The following ATP1A4 variants were observed in gnomAD, a reference collection of about 807,000 sequenced individuals.
ATP1A4 encodes the protein sodium/potassium-transporting ATPase subunit alpha-4.
In ATP1A4, 90 loss-of-function variants were observed where a neutral mutation model predicts 114.3. The observed-to-expected ratio is 0.79, with a 90% CI of 0.66 to 0.94. ATP1A4 has a LOEUF of 0.94. Ranked by LOEUF, ATP1A4 falls within the 40% of genes least tolerant of loss-of-function variation. The probability of loss-of-function intolerance (pLI) is 0.00; values close to 1 mark genes in which losing one functional copy is unlikely to be tolerated. For synonymous variants in ATP1A4, 511 were observed against 494.1 expected (o/e 1.03, Z -0.45); for missense variants, 1,222 against 1,313.6 (o/e 0.93, Z 1.08).
chr1:160,186,613 T>G, intron 21 of ATP1A4, 58 bp from the exon 22 acceptor site: 1 of 1,581,612 alleles, frequency 6.3e-7, no homozygotes. Flanking sequence ...TCTGCCTGTC[T>G]CCCCTGGATG....
intron 20 of ATP1A4, among the ~76,000 whole-genome samples, chr1:160,185,154 C>T (rs1295392417): frequency 6.6e-6 from 1 of 151,786 alleles, no homozygotes; most frequent in Admixed American, 6.6e-5. Flanking sequence ...GCTCTGTCGC[C>T]CAGGCTGGAG....
At chr1:160,186,433 C>T (rs1419642672) in intron 21 of ATP1A4, 66 bp downstream of exon 21, 1 of 1,294,256 alleles carries the variant, frequency 7.7e-7, no homozygotes, top group African/African-American at 1.5e-5. Flanking sequence ...TCTCCCATCC[C>T]ACCTAGTCCC....
In ATP1A4 at chr1:160,152,179, G is replaced by T; in HGVS notation, c.139G>T (p.Val47Leu). 1 of 1,604,334 alleles carries T rather than the reference G, an allele frequency of 6.2e-7. No individual in the cohort carries two copies. The highest frequency in any genetic ancestry group is 8.5e-7 in the Non-Finnish European group (1 of 1,172,422). Residue 47 changes from valine to leucine, a missense_variant, in exon 1 of 22, where the codon GTG (valine) becomes TTG (leucine). Val to Leu is a conservative substitution (Grantham distance 32). Coordinates refer to ENST00000368081, the MANE Select transcript of ATP1A4 (RefSeq NM_144699.4). ...CAATATGGAGGAACTGAAGAAGGAA[G>T]TGGTCATGGTGAGGCCACCCAAAGT... The part of the protein sequence containing the change: ...KRNMEELKKE[V>L]VMDDHKLTLE...
At chr1:160,185,717 G>A (rs929992326) in intron 20 of ATP1A4, among the ~76,000 whole-genome samples, 5 of 151,488 alleles carry the variant, frequency 3.3e-5, no homozygotes, top group South Asian at 2.1e-4. Flanking sequence ...TCTGGAGTTC[G>A]AGACCATCCT....
At chr1:160,179,577 C>T (rs1337736746) in intron 18 of ATP1A4, among the ~76,000 whole-genome samples, 1 of 152,168 alleles carries the variant, frequency 6.6e-6, no homozygotes, top group Non-Finnish European at 1.5e-5. Context: ...GCCACCCACC[C>T]GGGAAGTGCA....
chr1:160,186,637 C>T, intron 21 of ATP1A4, 34 bp from the exon 22 acceptor site: 1 of 1,604,098 alleles, frequency 6.2e-7, no homozygotes, highest in Non-Finnish European at 8.5e-7. Context: ...CTAATTCCTT[C>T]TCCCAGTTCA....
rs151201390 is a variant in ATP1A4, at chr1:160,174,506, C to T, written c.2143-73C>T. 248 of 1,559,228 alleles carry T rather than the reference C, an allele frequency of 1.6e-4. 1 individual carries two copies. In the East Asian group the frequency reaches 3.4e-3, roughly 22 times the overall value. On this transcript the variant is annotated intron_variant, in intron 14 of 21. Coordinates refer to ENST00000368081, the MANE Select transcript of ATP1A4 (RefSeq NM_144699.4). ...ATCAGGAAACAAGGGATGCAGAAAG[C>T]GTACTGATCTTTGGGACTAGTTCTG...
In ATP1A4 at chr1:160,171,387, A is replaced by C; in HGVS notation, c.1628A>C (p.Glu543Ala). The change falls in exon 11 of 22, where the codon GAA (glutamate) becomes GCA (alanine). Residue 543 changes from glutamate (E) to alanine (A), a missense_variant. Glu to Ala is a moderately radical substitution (Grantham distance 107). Transcript: ENST00000368081. ...TACTCAATGAACGATGAAATGAAGG[A>C]AGCCTTCCAAAATGCCTACTTAGAA... The part of the protein sequence containing the change: ...QEYSMNDEMK[E>A]AFQNAYLELG... 1 of 1,614,184 alleles carries C rather than the reference A, an allele frequency of 6.2e-7. No homozygotes were observed. Among genetic ancestry groups the C allele is most frequent in the Non-Finnish European group, 8.5e-7 (1 of 1,180,024 alleles).
At chr1:160,181,519 C>T (rs573975736) in intron 18 of ATP1A4, among the ~76,000 whole-genome samples, 165 bp from the exon 19 acceptor site, 1 of 149,802 alleles carries the variant, frequency 6.7e-6, no homozygotes, top group East Asian at 2.0e-4. Flanking sequence ...CACACCATTG[C>T]ACTCCAGCCT....
chr1:160,162,086 A>G (rs1035734652), intron 6 of ATP1A4, among the ~76,000 whole-genome samples: 1 of 152,204 alleles, frequency 6.6e-6, no homozygotes, highest in African/African-American at 2.4e-5. Flanking sequence ...CTTTCATTCC[A>G]TTTCGAAGAT....
At position 160,175,871 on chromosome 1, in the gene ATP1A4, G is replaced by A. The variant is rs1354491372; in HGVS notation, c.2312-221G>A. 2.0e-5 allele frequency among the ~76,000 whole-genome samples: 3 copies of A among 152,234 alleles called. No individual in the cohort carries two copies. The East Asian group carries it at 5.8e-4, about 29-fold the overall frequency. On this transcript the variant is annotated intron_variant, in intron 15 of 21. Transcript: ENST00000368081. ...TGCTAATTTTCAGAGATCAGATAAC[G>A]TTAGCTAGGGTGAATCTAAGAACAA...
intron 17 of ATP1A4, 75 bp from the exon 18 acceptor site, chr1:160,177,444 A>C (rs930840363): frequency 5.8e-6 from 9 of 1,542,520 alleles, no homozygotes; most frequent in Admixed American, 3.5e-5. Flanking sequence ...CCCAGCCCCC[A>C]GCCCTCCCCT....
chr1:160,186,306 C>G lies in ATP1A4; in HGVS notation c.3000C>G (p.Tyr1000Ter). The G allele has an allele frequency of 6.2e-7, 1 of 1,613,592 alleles. No homozygotes were observed. The highest frequency in any genetic ancestry group is 2.2e-5 in the East Asian group (1 of 44,878). The change falls in exon 21 of 22, where the codon TAC (tyrosine) becomes TAG (stop). Residue 1000 changes from tyrosine to a stop codon, truncating the protein, a stop_gained. Transcript: ENST00000368081. LOFTEE classifies it high-confidence loss of function. ...CCTGGTGGCTCTGTGCCATTCCCTA[C>G]AGTATTCTCATCTTCGTCTATGATG... ...KITWWLCAIP[Y>*]SILIFVYDEI...
At chr1:160,180,337 C>T (rs1653634834) in intron 18 of ATP1A4, among the ~76,000 whole-genome samples, 2 of 152,082 alleles carry the variant, frequency 1.3e-5, no homozygotes, top group South Asian at 2.1e-4. Flanking sequence ...TGCGGTCCTA[C>T]CTGTTTTCAA....
At position 160,182,073 on chromosome 1, in the gene ATP1A4, G is replaced by A. The variant is rs760861981; in HGVS notation, c.2969+42G>A. On this transcript the variant is annotated intron_variant, in intron 20 of 21. Transcript: ENST00000368081. ...ATGCAAGCAGGGGATGTGCAGGCAC[G>A]GGGGAGCATACAGAGGAAGGGTGTG... 3.0e-5 allele frequency: 45 copies of A among 1,499,780 alleles called. 1 individual carries two copies. The highest frequency in any genetic ancestry group is 1.7e-4 in the South Asian group (15 of 88,712). 92.9% of individuals were successfully genotyped at this position (1,499,780 alleles called of 1,614,324 possible). A position where few individuals can be genotyped will look rare whatever the true frequency, so the allele number is the denominator to read the frequency against.
chr1:160,167,288 C>G lies in ATP1A4; in HGVS notation c.1367C>G (p.Thr456Arg). The change falls in exon 10 of 22, where the codon ACA becomes AGA. Residue 456 changes from threonine to arginine, a missense_variant. Physicochemically the swap from Thr to Arg is moderately conservative, Grantham distance 71. Transcript: ENST00000368081. ...ACCCCATCCTGGCAGAGGGCCACAACAGGTGATGCTTCCGAGTCAGCCCTC... is the reference window on the plus strand; with the variant it reads ...ACCCCATCCTGGCAGAGGGCCACAAGAGGTGATGCTTCCGAGTCAGCCCTC... ...EILPIAKRAT[T>R]GDASESALLK... The G allele has an allele frequency of 6.2e-7, 1 of 1,606,240 alleles. No homozygotes were observed. The highest frequency in any genetic ancestry group is 8.5e-7 in the Non-Finnish European group (1 of 1,177,206).
In ATP1A4 at chr1:160,156,139, T is replaced by C; in HGVS notation, c.506T>C (p.Phe169Ser). 1 of 1,612,912 alleles carries C rather than the reference T, an allele frequency of 6.2e-7. No individual in the cohort carries two copies. The change falls in exon 4 of 22, where the codon TTT (phenylalanine) becomes TCT (serine). Residue 169 changes from phenylalanine (F) to serine (S), a missense_variant. By Grantham distance (155) the Phe-to-Ser change is radical. Coordinates refer to ENST00000368081, the MANE Select transcript of ATP1A4 (RefSeq NM_144699.4). ...EAKSSKIMES[F>S]KNMVPQQALV... ...AAGAGCTCCAAGATCATGGAGTCTT[T>C]TAAGAACATGGTGCCTCAGGTAGGA... is the stretch of plus-strand genomic sequence containing the variant.
chr1:160,166,452 A>T, intron 7 of ATP1A4, 76 bp from the exon 8 acceptor site: 2 of 1,541,668 alleles, frequency 1.3e-6, no homozygotes, highest in East Asian at 4.6e-5. Context: ...ATTAAAAATG[A>T]TCAAATATCC....
chr1:160,172,405 A>AG (rs939219121), intron 12 of ATP1A4, among the ~76,000 whole-genome samples: 33 of 152,202 alleles, frequency 2.2e-4, no homozygotes, highest in African/African-American at 7.2e-4. Context: ...AGCTGCCCTA[A>AG]GAGGTATATG....
Sources: allele counts gnomAD v4.1 joint callset (sites outside exome capture counted in the v4.1 genomes callset), GRCh38; gene constraint gnomAD v4.1.1; transcripts MANE v1.5; gene names NCBI Gene and HGNC (gene_info 2026-07-23, HGNC 2026-07-21).